Variants in KDSR observed in about 807,000 individuals in gnomAD.
KDSR encodes 3-dehydrosphinganine reductase.
In KDSR, 23 loss-of-function variants were observed where a neutral mutation model predicts 41.3. The ratio of observed to expected loss-of-function variants is 0.56; its 90% CI spans 0.40 to 0.79. KDSR has a LOEUF of 0.79. KDSR is among the 30% of genes least tolerant of loss of function. KDSR has a pLI of 0.00. For synonymous variants in KDSR, 138 were observed against 151.7 expected (o/e 0.91, Z 0.66); for missense variants, 351 against 416.8 (o/e 0.84, Z 1.37).
rs549174754 is a variant in KDSR, at chr18:63,332,704, C to T, written c.880-803G>A. Among the ~76,000 whole-genome samples, 65 of 152,044 alleles carry T rather than the reference C, an allele frequency of 4.3e-4. No individual in the cohort carries two copies. The South Asian group carries it at 0.011, about 26-fold the overall frequency. ...AAAATTATCCGCGTGTGGCGGTGTG[C>T]GCCTGTAGTCCAAGCTGCTGGGGAG... On this transcript the variant is annotated intron_variant, in intron 9 of 9. Coordinates refer to ENST00000645214, the MANE Select transcript of KDSR (RefSeq NM_002035.4).
intron 1 of KDSR, among the ~76,000 whole-genome samples, chr18:63,363,392 C>A (rs1287845885): frequency 9.1e-6 from 1 of 109,852 alleles, no homozygotes; most frequent in African/African-American, 3.6e-5. Context: ...CCACCACAGT[C>A]CCCAGAGTGT....
intron 5 of KDSR, among the ~76,000 whole-genome samples, chr18:63,354,844 C>T (rs1018963409): frequency 2.6e-5 from 4 of 152,156 alleles, no homozygotes; most frequent in East Asian, 3.9e-4. Flanking sequence ...TTTTTGGTTT[C>T]TCCTTGTTAA....
At chr18:63,349,725 G>A (rs1914610646) in intron 6 of KDSR, among the ~76,000 whole-genome samples, 1 of 152,234 alleles carries the variant, frequency 6.6e-6, no homozygotes, top group Non-Finnish European at 1.5e-5. Context: ...GGTCTCTTAT[G>A]GGGTCTTCTA....
At chr18:63,347,174 A>G (rs1369008162) in intron 6 of KDSR, among the ~76,000 whole-genome samples, 1 of 152,026 alleles carries the variant, frequency 6.6e-6, no homozygotes, top group Admixed American at 6.6e-5. Flanking sequence ...CCTGGCCTCA[A>G]CCTCAAACAG....
In KDSR at chr18:63,331,365, G is replaced by A. The variant is rs1038217427; in HGVS notation, c.*417C>T. The A allele has an allele frequency of 8.6e-6, 2 of 232,890 alleles. No individual in the cohort carries two copies. The highest frequency in any genetic ancestry group is 4.4e-5 in the African/African-American group (2 of 45,240). The allele number at this position is 232,890 out of a possible 1,614,324, so 14.4% of individuals were successfully genotyped here. On this transcript the variant is annotated 3_prime_UTR_variant, in exon 10 of 10. Coordinates refer to ENST00000645214, the MANE Select transcript of KDSR (RefSeq NM_002035.4). ...GAGAGAACCCGAGAAACCGAAAATT[G>A]TTTTTTTATGGAAGGTTTAAACAAA...
chr18:63,358,507 A>G (rs1418926916), intron 3 of KDSR, among the ~76,000 whole-genome samples: 1 of 152,132 alleles, frequency 6.6e-6, no homozygotes, highest in African/African-American at 2.4e-5. Flanking sequence ...TGATATAATA[A>G]AAGAAGTAGA....
Position 63,361,558 on chromosome 18 carries a change from T to C in KDSR, c.198+1221A>G, listed in dbSNP as rs1291515797. Among the ~76,000 whole-genome samples the C allele has an allele frequency of 2.0e-5, 3 of 152,174 alleles. No homozygotes were observed. In the East Asian group the frequency reaches 5.8e-4, roughly 29 times the overall value. On this transcript the variant is annotated intron_variant, in intron 2 of 9. Transcript: ENST00000645214. Reference sequence around the variant, plus strand: ...CAGGCCAGGTGTGGTGGCTCACACCTGTAATCCCAGCACTTTGGGAGGCCA... The same window carrying C: ...CAGGCCAGGTGTGGTGGCTCACACCCGTAATCCCAGCACTTTGGGAGGCCA...
intron 1 of KDSR, among the ~76,000 whole-genome samples, chr18:63,363,975 CCTTA>C (rs1426501004): frequency 2.6e-5 from 4 of 152,232 alleles, no homozygotes; most frequent in African/African-American, 9.6e-5. Flanking sequence ...CATAGGCATC[CCTTA>C]CTTCTTTTTA....
intron 7 of KDSR, among the ~76,000 whole-genome samples, chr18:63,341,915 T>G (rs192285131): frequency 1.2e-4 from 18 of 152,172 alleles, no homozygotes; most frequent in African/African-American, 4.3e-4. Flanking sequence ...CAGTGGCTTA[T>G]GCCTGTAATC....
chr18:63,339,471 T>C (rs1914279565), intron 7 of KDSR, among the ~76,000 whole-genome samples: 1 of 152,216 alleles, frequency 6.6e-6, no homozygotes, highest in South Asian at 2.1e-4. Context: ...ACTTAGGAGA[T>C]AACCCTGAGT....
Position 63,360,198 on chromosome 18 carries a change from C to A in KDSR, c.199-406G>T, listed in dbSNP as rs185687594. On this transcript the variant is annotated intron_variant, in intron 2 of 9. Coordinates refer to ENST00000645214, the MANE Select transcript of KDSR (RefSeq NM_002035.4). ...GGGTATGTGTGACTCCCTGTCAATA[C>A]TGCTTTTTGTCCAATATTTTCTTCT... Among the ~76,000 whole-genome samples, 394 of 148,120 alleles carry A rather than the reference C, an allele frequency of 2.7e-3. 1 individual carries two copies. Among genetic ancestry groups the A allele is most frequent in the African/African-American group, 9.3e-3 (379 of 40,862 alleles).
At position 63,330,782 on chromosome 18, in the gene KDSR, C is replaced by T. The variant is rs925686104; in HGVS notation, c.*1000G>A. On this transcript the variant is annotated 3_prime_UTR_variant, in exon 10 of 10. Coordinates refer to ENST00000645214, the MANE Select transcript of KDSR (RefSeq NM_002035.4). ...CATGAGTTAAGTTAAAAAGTCAAGT[C>T]GAAAATTTTAGCTGGTCTTTTTTTT... The T allele has an allele frequency of 3.2e-5, 7 of 222,046 alleles. No homozygotes were observed. Among genetic ancestry groups the T allele is most frequent in the Admixed American group, 5.8e-5 (1 of 17,146 alleles). 13.8% of individuals were successfully genotyped at this position (222,046 alleles called of 1,614,324 possible).
At chr18:63,337,295 T>C (rs1914204179) in intron 8 of KDSR, among the ~76,000 whole-genome samples, 1 of 151,936 alleles carries the variant, frequency 6.6e-6, no homozygotes, top group African/African-American at 2.4e-5. Context: ...TTTGTATTTT[T>C]AGTAGAGACG....
At chr18:63,363,721 T>C (rs562046362) in intron 1 of KDSR, among the ~76,000 whole-genome samples, 1 of 152,318 alleles carries the variant, frequency 6.6e-6, no homozygotes, top group South Asian at 2.1e-4. Flanking sequence ...GAATATTTAT[T>C]TGAAATGACT....
At chr18:63,351,338 GT>G (rs2096590969) in intron 5 of KDSR, among the ~76,000 whole-genome samples, 4 of 152,318 alleles carry the variant, frequency 2.6e-5, no homozygotes, top group African/African-American at 9.6e-5. Context: ...AGCAGTTAAT[GT>G]TTTTCCTGAA....
chr18:63,347,673 A>G (rs1599329628), intron 6 of KDSR, among the ~76,000 whole-genome samples: 1 of 152,056 alleles, frequency 6.6e-6, no homozygotes, highest in Non-Finnish European at 1.5e-5. Context: ...GAAGGAAGAG[A>G]TGGGAGGAGA....
intron 7 of KDSR, among the ~76,000 whole-genome samples, chr18:63,342,660 A>C (rs1914375801): frequency 6.6e-6 from 1 of 152,170 alleles, no homozygotes; most frequent in Non-Finnish European, 1.5e-5. Flanking sequence ...AACTAAAGAG[A>C]TGGGAGGAGT....
At chr18:63,355,323 C>T (rs72946535) in intron 4 of KDSR, 24 bp from the exon 5 acceptor site, 62,500 of 1,597,388 alleles carry the variant, frequency 0.039, 1,380 homozygotes, top group Non-Finnish European at 0.045. Context: ...GCAGAGCAGG[C>T]ATTAAGAAAC....
rs765844985 is a variant in KDSR at position 63,335,245 on chromosome 18, G to A, written c.879+12C>T. 3 of 1,583,290 alleles carry A rather than the reference G, an allele frequency of 1.9e-6. No homozygotes were observed. Among genetic ancestry groups the A allele is most frequent in the Non-Finnish European group, 2.6e-6 (3 of 1,152,266 alleles). On this transcript the variant is annotated intron_variant, in intron 9 of 9. Coordinates refer to ENST00000645214, the MANE Select transcript of KDSR (RefSeq NM_002035.4). ...ATCGGCCTGTCTGATTGCTAGCCTA[G>A]GCAGAGCTTACCTGCTGGAGCCCCT...
Sources: allele counts gnomAD v4.1 joint callset (sites outside exome capture counted in the v4.1 genomes callset), GRCh38; gene constraint gnomAD v4.1.1; transcripts MANE v1.5; gene names NCBI Gene and HGNC (gene_info 2026-07-23, HGNC 2026-07-21).